The following RNF212 variants were observed in gnomAD, a reference collection of about 807,000 sequenced individuals.
RNF212 encodes the protein probable E3 SUMO-protein ligase RNF212.
A neutral mutation model predicts 34.7 loss-of-function variants in RNF212; 33 were observed. The observed-to-expected ratio is 0.95, with a 90% CI of 0.72 to 1.27. The LOEUF (loss-of-function observed/expected upper bound fraction) is 1.27, where lower values mean the gene tolerates loss of function less well. RNF212 is among the 50% of genes most tolerant of loss of function. RNF212 has a pLI of 0.00. For synonymous variants in RNF212, 140 were observed against 136.1 expected (o/e 1.03, Z -0.20); for missense variants, 377 against 362.2 (o/e 1.04, Z -0.33).
chr4:1,058,290 A>AAGAAGGTGCTTGCGGGGGTTAGCACGCT (rs1560086786), intron 4 of RNF212: 1 of 366,286 alleles, frequency 2.7e-6, no homozygotes. Context: ...GTTAGAACGC[A>AAGAAGGTGCTTGCGGGGGTTAGCACGCT]GTGAAGAAGG....
chr4:1,112,129 C>T (rs927981055), intron 1 of RNF212, among the ~76,000 whole-genome samples: 16 of 152,158 alleles, frequency 1.1e-4, no homozygotes, highest in African/African-American at 3.6e-4. Flanking sequence ...ATCACTTGAG[C>T]CTGGGAGGCG....
chr4:1,092,173 C>T (rs1371065291), intron 3 of RNF212, among the ~76,000 whole-genome samples: 1 of 152,222 alleles, frequency 6.6e-6, no homozygotes, highest in Non-Finnish European at 1.5e-5. Flanking sequence ...CGTGGAGGAA[C>T]CTACCAGCAG....
intron 3 of RNF212, among the ~76,000 whole-genome samples, chr4:1,065,572 A>G (rs972924458): frequency 6.6e-6 from 1 of 151,918 alleles, no homozygotes; most frequent in Non-Finnish European, 1.5e-5. Flanking sequence ...GGTTCAGGCA[A>G]TTCTCCCACC....
chr4:1,066,089 GTT>G (rs556982518), intron 3 of RNF212, among the ~76,000 whole-genome samples: 2 of 140,448 alleles, frequency 1.4e-5, no homozygotes, highest in Non-Finnish European at 1.5e-5. Context: ...CTATCTTGCT[GTT>G]TTTTTTTTTT....
intron 8 of RNF212, among the ~76,000 whole-genome samples, chr4:1,075,405 G>A (rs1164482411): frequency 6.6e-6 from 1 of 152,202 alleles, no homozygotes; most frequent in African/African-American, 2.4e-5. Flanking sequence ...GCCTTGGGAG[G>A]CTACAATCAG....
intron 4 of RNF212, chr4:1,056,934 C>T (rs766555030): frequency 3.0e-6 from 3 of 987,750 alleles, no homozygotes; most frequent in Non-Finnish European, 3.6e-6. Flanking sequence ...TCCCCTCTTC[C>T]TGCTCTCCCT....
intron 3 of RNF212, chr4:1,093,778 G>C (rs1182685656): frequency 6.5e-7 from 1 of 1,536,226 alleles, no homozygotes; most frequent in Non-Finnish European, 8.7e-7. Flanking sequence ...TGAGGGTCCT[G>C]CTGGGATGGA....
At chr4:1,103,225 T>C (rs553557947) in intron 2 of RNF212, among the ~76,000 whole-genome samples, 2 of 152,358 alleles carry the variant, frequency 1.3e-5, no homozygotes, top group Admixed American at 6.5e-5. Flanking sequence ...AACAGTTCGA[T>C]GTCTAATAAA....
intron 1 of RNF212, among the ~76,000 whole-genome samples, chr4:1,111,110 C>A (rs1358197482): frequency 6.6e-6 from 1 of 152,124 alleles, no homozygotes; most frequent in Non-Finnish European, 1.5e-5. Context: ...GTCACCAGTG[C>A]CCTCCTCACT....
chr4:1,093,701 T>C, intron 3 of RNF212: 1 of 1,536,254 alleles, frequency 6.5e-7, no homozygotes, highest in Non-Finnish European at 8.7e-7. Context: ...GTGGCTCTGA[T>C]GTCTGTGATA....
intron 3 of RNF212, among the ~76,000 whole-genome samples, chr4:1,065,834 C>T (rs1269501376): frequency 1.3e-5 from 2 of 150,874 alleles, no homozygotes; most frequent in African/African-American, 4.8e-5. Context: ...GATCTGTCCA[C>T]TTCAGCCTCC....
At chr4:1,067,145 C>G (rs1718144563), downstream of RNF212, among the ~76,000 whole-genome samples, 1 of 152,128 alleles carries the variant, frequency 6.6e-6, no homozygotes, top group Non-Finnish European at 1.5e-5. Flanking sequence ...TTAACTTTAC[C>G]TCCTAAAGGT....
chr4:1,067,809 A>T (rs1259337062), downstream of RNF212, among the ~76,000 whole-genome samples: 1 of 151,404 alleles, frequency 6.6e-6, no homozygotes, highest in Non-Finnish European at 1.5e-5. Context: ...TGGAGGTTGC[A>T]GTGAGCTTAG....
intron 2 of RNF212, among the ~76,000 whole-genome samples, chr4:1,103,452 T>G (rs1001559229): frequency 6.6e-6 from 1 of 152,156 alleles, no homozygotes; most frequent in Non-Finnish European, 1.5e-5. Context: ...GAAAAAAAAC[T>G]TACAGGTCCA....
At chr4:1,062,800 A>G (rs369457393) in intron 3 of RNF212, among the ~76,000 whole-genome samples, 13 of 152,334 alleles carry the variant, frequency 8.5e-5, no homozygotes, top group African/African-American at 2.6e-4. Flanking sequence ...GATTTGCCAT[A>G]TACAGAAAAC....
At chr4:1,093,493 G>A (rs917758548) in intron 3 of RNF212, 9 of 1,488,848 alleles carry the variant, frequency 6.0e-6, no homozygotes, top group Non-Finnish European at 8.0e-6. Flanking sequence ...CCTCCACAGT[G>A]TAACTGACAA....
chr4:1,070,847 G>A (rs897036417), downstream of RNF212, among the ~76,000 whole-genome samples: 2 of 152,126 alleles, frequency 1.3e-5, no homozygotes, highest in African/African-American at 4.8e-5. Context: ...TTAACATTTG[G>A]GGAATCTGGA....
intron 8 of RNF212, 118 bp from the exon 9 acceptor site, chr4:1,073,780 G>A (rs1273296450): frequency 7.0e-6 from 5 of 710,202 alleles, no homozygotes; most frequent in Admixed American, 2.1e-5. Context: ...CATCTTTATC[G>A]CCCTCTGACA....
intron 3 of RNF212, among the ~76,000 whole-genome samples, chr4:1,063,034 T>C (rs990864484): frequency 2.0e-5 from 3 of 152,184 alleles, no homozygotes; most frequent in Admixed American, 6.5e-5. Context: ...AACTGCAAAA[T>C]ACCGTTGAAA....
Sources: allele counts gnomAD v4.1 joint callset (sites outside exome capture counted in the v4.1 genomes callset), GRCh38; gene constraint gnomAD v4.1.1; transcripts MANE v1.5; gene names NCBI Gene and HGNC (gene_info 2026-07-23, HGNC 2026-07-21).